Variants in ADGRL3 observed in about 807,000 individuals in gnomAD.
ADGRL3 encodes calcium-independent alpha-latrotoxin receptor 3.
Under a neutral mutation model 153.5 loss-of-function variants are expected in ADGRL3, and 62 were observed. That is an observed-to-expected ratio of 0.40 (90% confidence interval 0.33 to 0.50). The LOEUF (loss-of-function observed/expected upper bound fraction) is 0.50, where lower values mean the gene tolerates loss of function less well. Among genes scored for constraint, ADGRL3 ranks in the 20% least tolerant of loss-of-function variants. The pLI, the probability that ADGRL3 is intolerant of heterozygous loss-of-function variation, is 0.47. For missense variants in ADGRL3, 1,641 were observed against 1,859.4 expected (o/e 0.88, Z 2.16); for synonymous variants, 710 against 672.5 (o/e 1.06, Z -0.86).
chr4:61,281,188 G>T (rs1381630634), intron 1 of ADGRL3, among the ~76,000 whole-genome samples: 3 of 151,314 alleles, frequency 2.0e-5, no homozygotes, highest in Admixed American at 1.3e-4. Context: ...AAAGGTAATA[G>T]TTTTTTTTTA....
Position 61,700,879 on chromosome 4 carries a change from G to T in ADGRL3, c.583+23944G>T, listed in dbSNP as rs2095745394. Among the ~76,000 whole-genome samples the T allele has an allele frequency of 2.0e-5, 3 of 152,178 alleles. No homozygotes were observed. The South Asian group carries it at 6.2e-4, about 31-fold the overall frequency. ...AGAGAAAGAATAACAATAGCTAAGA[G>T]TAAATGTTTGAGGCATTTTACCTGA... On this transcript the variant is annotated intron_variant, in intron 6 of 26. Transcript: ENST00000683033.
chr4:61,486,107 C>T (rs773249780), intron 2 of ADGRL3, among the ~76,000 whole-genome samples: 1 of 152,046 alleles, frequency 6.6e-6, no homozygotes, highest in Non-Finnish European at 1.5e-5. Context: ...CCATGCCTGG[C>T]TAATTTTTTT....
At chr4:62,066,763 T>A (rs570541576) in intron 25 of ADGRL3, among the ~76,000 whole-genome samples, 1 of 152,228 alleles carries the variant, frequency 6.6e-6, no homozygotes, top group East Asian at 1.9e-4. Context: ...CATTTTAGAA[T>A]GTATATAAAT....
intron 18 of ADGRL3, among the ~76,000 whole-genome samples, chr4:61,982,776 C>A (rs2099072861): frequency 6.6e-6 from 1 of 152,050 alleles, no homozygotes; most frequent in African/African-American, 2.4e-5. Flanking sequence ...TTAAGCAGAT[C>A]CATTTTTATT....
chr4:61,397,489 G>A (rs2096882088), intron 2 of ADGRL3, among the ~76,000 whole-genome samples: 1 of 151,834 alleles, frequency 6.6e-6, no homozygotes, highest in Non-Finnish European at 1.5e-5. Context: ...GATTCCTTCA[G>A]GACCCACTTT....
At chr4:61,375,754 G>A (rs1396052305) in intron 1 of ADGRL3, among the ~76,000 whole-genome samples, 3 of 151,712 alleles carry the variant, frequency 2.0e-5, no homozygotes, top group Non-Finnish European at 4.4e-5. Context: ...AAGACCAAGG[G>A]GTCTATATGT....
intron 2 of ADGRL3, among the ~76,000 whole-genome samples, chr4:61,474,847 G>A (rs909381419): frequency 6.6e-6 from 1 of 152,072 alleles, no homozygotes; most frequent in African/African-American, 2.4e-5. Context: ...TCCAAATGTA[G>A]TATATCTCTT....
At chr4:61,279,116 A>T (rs979439658) in intron 1 of ADGRL3, among the ~76,000 whole-genome samples, 1 of 152,122 alleles carries the variant, frequency 6.6e-6, no homozygotes, top group African/African-American at 2.4e-5. Context: ...TTCAAAAAGG[A>T]TATTGCATTA....
At chr4:61,303,249 T>C (rs1201566729) in intron 1 of ADGRL3, among the ~76,000 whole-genome samples, 2 of 152,188 alleles carry the variant, frequency 1.3e-5, no homozygotes, top group Admixed American at 6.5e-5. Flanking sequence ...GTTTTAGCCA[T>C]TACCAGCTGT....
At position 61,413,615 on chromosome 4, in the gene ADGRL3, G is replaced by A. The variant is rs959313769; in HGVS notation, c.-174+30426G>A. On this transcript the variant is annotated intron_variant, in intron 2 of 26. Transcript: ENST00000683033. The stretch of plus-strand genomic sequence containing the variant: ...TGCAGTGTTTATCTAAAAGTTTTCT[G>A]AATTACTACATTGCCCCTTTCCTGG... Among the ~76,000 whole-genome samples the A allele has an allele frequency of 7.9e-5, 12 of 152,092 alleles. 1 individual carries two copies. The highest frequency in any genetic ancestry group is 2.9e-4 in the African/African-American group (12 of 41,416).
chr4:61,278,742 G>A (rs1028211436), intron 1 of ADGRL3, among the ~76,000 whole-genome samples: 1 of 152,144 alleles, frequency 6.6e-6, no homozygotes, highest in African/African-American at 2.4e-5. Context: ...CTGATATCAA[G>A]TGATCCACCT....
intron 18 of ADGRL3, among the ~76,000 whole-genome samples, chr4:61,980,294 T>C (rs2150817624): frequency 7.2e-6 from 1 of 139,362 alleles, no homozygotes; most frequent in East Asian, 2.1e-4. Flanking sequence ...CACTAACCTC[T>C]GGTAACCACT....
chr4:61,524,081 T>TA (rs2098546282), intron 4 of ADGRL3, among the ~76,000 whole-genome samples: 1 of 152,120 alleles, frequency 6.6e-6, no homozygotes, highest in Non-Finnish European at 1.5e-5. Context: ...CAATGACAGA[T>TA]ACTTCTCAGA....
chr4:61,670,991 C>CCACAT (rs1454934535), intron 5 of ADGRL3, among the ~76,000 whole-genome samples: 8 of 152,200 alleles, frequency 5.3e-5, no homozygotes, highest in Non-Finnish European at 7.3e-5. Flanking sequence ...AAGTTCTTAA[C>CCACAT]CACATTCCCT....
intron 9 of ADGRL3, among the ~76,000 whole-genome samples, chr4:61,858,097 G>A (rs1000791250): frequency 6.6e-6 from 1 of 152,140 alleles, no homozygotes; most frequent in Non-Finnish European, 1.5e-5. Context: ...TTAAGTTTTT[G>A]CATATTGAGT....
chr4:61,611,949 T>C (rs1293132643), intron 5 of ADGRL3, among the ~76,000 whole-genome samples: 2 of 151,946 alleles, frequency 1.3e-5, no homozygotes, highest in African/African-American at 2.4e-5. Context: ...TGGAAAGAAA[T>C]CTTTTAAGTA....
intron 21 of ADGRL3, among the ~76,000 whole-genome samples, chr4:62,022,314 A>AAGGTAGCAGAGG (rs2099241837): frequency 6.6e-6 from 1 of 152,152 alleles, no homozygotes; most frequent in Non-Finnish European, 1.5e-5. Flanking sequence ...AGTTTGTTTG[A>AAGGTAGCAGAGG]AGGTAGCAGA....
intron 2 of ADGRL3, among the ~76,000 whole-genome samples, chr4:61,475,243 T>G (rs1004713620): frequency 6.6e-6 from 1 of 152,182 alleles, no homozygotes; most frequent in African/African-American, 2.4e-5. Context: ...ATAAAAGTAT[T>G]TGTTTAAATC....
chr4:61,593,116 A>G (rs1004701669), intron 5 of ADGRL3, among the ~76,000 whole-genome samples: 1 of 152,200 alleles, frequency 6.6e-6, no homozygotes. Context: ...AGACTCACAA[A>G]AAGGAAACTA....
Sources: allele counts gnomAD v4.1 joint callset (sites outside exome capture counted in the v4.1 genomes callset), GRCh38; gene constraint gnomAD v4.1.1; transcripts MANE v1.5; gene names NCBI Gene and HGNC (gene_info 2026-07-23, HGNC 2026-07-21).